COL27A1: variants seen among roughly 807,000 people sequenced by gnomAD.
The protein encoded by COL27A1 is collagen type XXVII alpha 1 chain.
In COL27A1, 106 loss-of-function variants were observed where a neutral mutation model predicts 251.3. The observed-to-expected ratio is 0.42, with a 90% CI of 0.36 to 0.50. COL27A1 has a LOEUF of 0.50. Ranked by LOEUF, COL27A1 falls within the 20% of genes least tolerant of loss-of-function variation. The probability of loss-of-function intolerance (pLI) is 0.00; values close to 1 mark genes in which losing one functional copy is unlikely to be tolerated. For synonymous variants in COL27A1, 1,000 were observed against 986.3 expected, an observed-to-expected ratio of 1.01 and a Z score of -0.26; for missense variants, 2,325 against 2,522.8, an observed-to-expected ratio of 0.92 and a Z score of 1.68.
intron 40 of COL27A1, 117 bp from the exon 41 acceptor site, chr9:114,284,607 C>A: frequency 9.8e-7 from 1 of 1,016,118 alleles, no homozygotes; most frequent in South Asian, 1.3e-5. Context: ...AGCCACACAG[C>A]CAGCTGGGGC....
chr9:114,192,722 A>C (rs1010502871), intron 5 of COL27A1, among the ~76,000 whole-genome samples: 3 of 152,192 alleles, frequency 2.0e-5, no homozygotes, highest in African/African-American at 7.2e-5. Flanking sequence ...GGGTGCTATG[A>C]GGACTAAAGG....
rs538968859 is a variant in COL27A1 at position 114,155,957 on chromosome 9, G to A, written c.7G>A (p.Ala3Thr). Residue 3 changes from alanine (A) to threonine (T), a missense_variant, in exon 1 of 61, where the codon GCG (alanine) becomes ACG (threonine). Coordinates refer to ENST00000356083, the MANE Select transcript of COL27A1 (RefSeq NM_032888.4). This position sits in a 1 kb window ranked among gnomAD's most constrained non-coding sequence, Gnocchi z 5.5. MG[A>T]GSARGARGTA... ...CATGAAGTAGGGGCCTGCCATGGGA[G>A]CGGGATCGGCGCGGGGGGCCCGAGG... 1.4e-4 allele frequency: 175 copies of A among 1,278,812 alleles called. No individual in the cohort carries two copies. Among genetic ancestry groups the A allele is most frequent in the Admixed American group, 3.0e-4 (9 of 30,122 alleles). The allele number at this position is 1,278,812 out of a possible 1,614,324, so 79.2% of individuals were successfully genotyped here. A position where few individuals can be genotyped will look rare whatever the true frequency, so the allele number is the denominator to read the frequency against.
At chr9:114,186,538 T>TGGG (rs1429592372) in intron 5 of COL27A1, among the ~76,000 whole-genome samples, 1 of 151,952 alleles carries the variant, frequency 6.6e-6, no homozygotes, top group Non-Finnish European at 1.5e-5. Context: ...CCCCACGATA[T>TGGG]GGGGATTGAT....
chr9:114,310,698 T>G lies in COL27A1; in HGVS notation c.*3T>G, dbSNP rs778687101. On this transcript the variant is annotated 3_prime_UTR_variant, in exon 61 of 61. Coordinates refer to ENST00000356083, the MANE Select transcript of COL27A1 (RefSeq NM_032888.4). ...TTGGACCTGCGTGCTTCCTCTGACC[T>G]CTGACCTCGTGGCCACTCTAGGCCT... 18 of 1,613,876 alleles carry G rather than the reference T, an allele frequency of 1.1e-5. No individual in the cohort carries two copies. The highest frequency in any genetic ancestry group is 1.4e-5 in the Non-Finnish European group (17 of 1,179,970).
Position 114,237,695 on chromosome 9 carries a change from C to A in COL27A1, c.2707C>A (p.Pro903Thr). ...CGGAGACAAAGGATCCATTGGGTTT[C>A]CCGGGCCCCCTGGACCCGAGGTATG... is the stretch of plus-strand genomic sequence containing the variant. ...KVGDKGSIGF[P>T]GPPGPEGFPG... Residue 903 changes from proline to threonine, a missense_variant, in exon 19 of 61, where the codon CCC becomes ACC. Around this residue, in one of 4 missense-constraint regions of COL27A1, gnomAD observed 662 missense variants for 795.3 expected, o/e 0.83. Coordinates refer to ENST00000356083, the MANE Select transcript of COL27A1 (RefSeq NM_032888.4). 2 of 1,614,164 alleles carry A rather than the reference C, an allele frequency of 1.2e-6. No homozygotes were observed. Among genetic ancestry groups the A allele is most frequent in the Non-Finnish European group, 1.7e-6 (2 of 1,179,994 alleles).
At chr9:114,284,907 C>G (rs1827354287) in intron 41 of COL27A1, 130 bp downstream of exon 41, 2 of 957,318 alleles carry the variant, frequency 2.1e-6, no homozygotes, top group Non-Finnish European at 1.6e-6. Flanking sequence ...CCCCCTGCAG[C>G]AGCCGAGGCT....
chr9:114,178,338 G>A lies in COL27A1; in HGVS notation c.1956G>A (p.Gly652=). Reference sequence around the variant, plus strand: ...TACCTGGAATCCCTGGTGCACGTGGGCCTCGGGTGAGTTATCTCACACTGT... The same window carrying A: ...TACCTGGAATCCCTGGTGCACGTGGACCTCGGGTGAGTTATCTCACACTGT... ...PGLPGIPGAR[G]PRGPPGPYGN... The change falls in exon 4 of 61, where the codon GGG becomes GGA. Residue 652 remains glycine, a synonymous_variant. Transcript: ENST00000356083. 1 of 1,613,944 alleles carries A rather than the reference G, an allele frequency of 6.2e-7. No homozygotes were observed. The highest frequency in any genetic ancestry group is 8.5e-7 in the Non-Finnish European group (1 of 1,179,900).
intron 6 of COL27A1, among the ~76,000 whole-genome samples, chr9:114,194,833 C>T (rs183485864): frequency 1.4e-3 from 215 of 152,308 alleles, no homozygotes; most frequent in African/African-American, 4.9e-3. Flanking sequence ...CAGGAAGCTT[C>T]CAATAGACAC....
intron 41 of COL27A1, among the ~76,000 whole-genome samples, chr9:114,287,592 G>T (rs564802369): frequency 2.0e-5 from 3 of 152,086 alleles, no homozygotes; most frequent in Non-Finnish European, 4.4e-5. Flanking sequence ...AACGCCATCT[G>T]CTGAGCCCCT....
At chr9:114,256,556 G>A (rs1833934678) in intron 27 of COL27A1, among the ~76,000 whole-genome samples, 1 of 151,990 alleles carries the variant, frequency 6.6e-6, no homozygotes, top group African/African-American at 2.4e-5. Context: ...CCTGCCTAGG[G>A]TCGCCCTGGG....
intron 37 of COL27A1, among the ~76,000 whole-genome samples, chr9:114,277,632 G>A (rs927760691): frequency 5.9e-5 from 9 of 152,170 alleles, no homozygotes; most frequent in African/African-American, 2.2e-4. Flanking sequence ...GAATACGAGG[G>A]CGCTGAGTCA....
At chr9:114,282,840 A>G (rs1423168866) in intron 39 of COL27A1, among the ~76,000 whole-genome samples, 3 of 152,246 alleles carry the variant, frequency 2.0e-5, no homozygotes, top group Admixed American at 6.5e-5. Context: ...CTATGGACCC[A>G]AATTAATAAG....
chr9:114,235,779 A>T, intron 17 of COL27A1, 127 bp downstream of exon 17: 1 of 743,178 alleles, frequency 1.3e-6, no homozygotes, highest in Non-Finnish European at 2.5e-6. Flanking sequence ...CCTCGAAATA[A>T]TCCAGTCTTC....
chr9:114,277,677 G>A (rs889874013), intron 37 of COL27A1, among the ~76,000 whole-genome samples: 3 of 152,178 alleles, frequency 2.0e-5, no homozygotes, highest in Non-Finnish European at 4.4e-5. Context: ...ACTCAGTGGC[G>A]GGCTTGACTC....
chr9:114,258,411 G>T (rs548604021), intron 27 of COL27A1, 130 bp from the exon 28 acceptor site: 12 of 869,208 alleles, frequency 1.4e-5, no homozygotes, highest in Middle Eastern at 2.2e-4. Flanking sequence ...GGCTGCTGGG[G>T]CCCCGGCAGC....
chr9:114,187,007 C>G (rs968248495), intron 5 of COL27A1, among the ~76,000 whole-genome samples: 2 of 152,238 alleles, frequency 1.3e-5, no homozygotes, highest in Admixed American at 1.3e-4. Flanking sequence ...GAGCAGCCAG[C>G]CACCTTGTCT....
At chr9:114,215,657 A>G (rs1219573281) in intron 12 of COL27A1, among the ~76,000 whole-genome samples, 2 of 152,168 alleles carry the variant, frequency 1.3e-5, no homozygotes, top group Non-Finnish European at 2.9e-5. Context: ...GTGCAGCAGG[A>G]AGGATGCAGG....
intron 49 of COL27A1, among the ~76,000 whole-genome samples, chr9:114,296,552 T>C (rs1828271197): frequency 6.6e-6 from 1 of 152,328 alleles, no homozygotes; most frequent in Non-Finnish European, 1.5e-5. Context: ...AGACTAACCA[T>C]ACCAAGTGTT....
Position 114,250,652 on chromosome 9 carries a change from G to A in COL27A1, c.3017G>A (p.Gly1006Glu). 6.2e-7 allele frequency: 1 copy of A among 1,612,056 alleles called. No individual in the cohort carries two copies. Among genetic ancestry groups the A allele is most frequent in the Non-Finnish European group, 8.5e-7 (1 of 1,178,218 alleles). ...TTCATTGGTCTGGTCGGGGAGCCAG[G>A]AATCGTGGGAGAAAAGGTAAGTGGT... The part of the protein sequence containing the change: ...MGFIGLVGEP[G>E]IVGEKGDRGM... The change falls in exon 25 of 61, where the codon GGA (glycine) becomes GAA (glutamate). Residue 1006 changes from glycine (G) to glutamate (E), a missense_variant. By Grantham distance (98) the Gly-to-Glu change is moderately conservative. This residue lies in a region of COL27A1 where 662 missense variants were observed against 795.3 expected (regional missense o/e 0.83). Coordinates refer to ENST00000356083, the MANE Select transcript of COL27A1 (RefSeq NM_032888.4).
Sources: gnomAD v4.1 joint callset for allele counts (sites outside exome capture counted in the v4.1 genomes callset) on GRCh38, gnomAD v4.1.1 for gene constraint, gnomAD v4.1.1 regional missense constraint, Gnocchi (gnomAD v3.1) non-coding constraint, MANE v1.5 for transcripts, NCBI Gene and HGNC (gene_info 2026-07-23, HGNC 2026-07-21) for gene names.